BLZF1: variants seen among roughly 807,000 people sequenced by gnomAD.
The protein encoded by BLZF1 is golgin-45.
BLZF1 carries 39 observed loss-of-function variants against 43.8 expected under a neutral mutation model. The ratio of observed to expected loss-of-function variants is 0.89; its 90% CI spans 0.69 to 1.16. The LOEUF (loss-of-function observed/expected upper bound fraction) is 1.16, where lower values mean the gene tolerates loss of function less well. Among genes scored for constraint, BLZF1 ranks in the 50% most tolerant of loss-of-function variants. The probability of loss-of-function intolerance (pLI) is 0.00; values close to 1 mark genes in which losing one functional copy is unlikely to be tolerated. For synonymous variants in BLZF1, 136 were observed against 159.4 expected (o/e 0.85, Z 1.11); for missense variants, 449 against 469.8 (o/e 0.96, Z 0.41).
At chr1:169,373,714 G>C (rs1021989371) in intron 2 of BLZF1, among the ~76,000 whole-genome samples, 2 of 152,120 alleles carry the variant, frequency 1.3e-5, no homozygotes, top group African/African-American at 4.8e-5. Flanking sequence ...TTCCAACAAG[G>C]TATTTTGTTC....
chr1:169,376,498 T>C lies in BLZF1; in HGVS notation c.29-42T>C, dbSNP rs758374408. ...CATGTATTAGCATTTTCTTGGCATT[T>C]CTTCTTGGTAAGTAGTTTCTGTTTT... On this transcript the variant is annotated intron_variant, in intron 2 of 6. Transcript: ENST00000367808. 3.3e-6 allele frequency: 5 copies of C among 1,526,220 alleles called. No individual in the cohort carries two copies. The East Asian group carries it at 9.1e-5, about 28-fold the overall frequency. 94.5% of individuals were successfully genotyped at this position (1,526,220 alleles called of 1,614,324 possible).
chr1:169,371,414 A>C (rs1654115537), intron 2 of BLZF1, among the ~76,000 whole-genome samples: 1 of 152,258 alleles, frequency 6.6e-6, no homozygotes, highest in Non-Finnish European at 1.5e-5. Flanking sequence ...GCACTTTAAC[A>C]AACATTATTT....
At chr1:169,375,378 CATATATATATAAAACATAT>C (rs1396891891) in intron 2 of BLZF1, among the ~76,000 whole-genome samples, 11 of 100,138 alleles carry the variant, frequency 1.1e-4, no homozygotes, top group Non-Finnish European at 1.8e-4. Flanking sequence ...ACATATAAAA[CATATATATATAAAACATAT>C]ATATATATAT....
chr1:169,368,814 A>C lies in BLZF1; in HGVS notation c.-51+472A>C, dbSNP rs141436114. Among the ~76,000 whole-genome samples the C allele has an allele frequency of 1.2e-3, 178 of 152,230 alleles. 2 individuals are homozygous for C. The East Asian group carries it at 0.028, about 24-fold the overall frequency. On this transcript the variant is annotated intron_variant, in intron 1 of 6. Coordinates refer to ENST00000367808, the MANE Select transcript of BLZF1 (RefSeq NM_001320973.2). ...GAGAACGATCTTTTTTTGTAGTGAAACCAGTTGTCATCTAGTGTACAGTTT... is the reference window on the plus strand; with the variant it reads ...GAGAACGATCTTTTTTTGTAGTGAACCCAGTTGTCATCTAGTGTACAGTTT...
downstream of BLZF1, among the ~76,000 whole-genome samples, chr1:169,391,780 TG>T (rs776153940): frequency 2.1e-5 from 2 of 93,040 alleles, no homozygotes; most frequent in Non-Finnish European, 5.9e-5. Flanking sequence ...TTAATCTAAA[TG>T]GGTCCAGGTG....
intron 7 of BLZF1, among the ~76,000 whole-genome samples, chr1:169,395,609 T>G (rs1408127260): frequency 6.6e-6 from 1 of 152,222 alleles, no homozygotes; most frequent in Non-Finnish European, 1.5e-5. Flanking sequence ...AATACTATCA[T>G]GCAGAAATGC....
At chr1:169,379,814 A>G (rs1221134679) in intron 4 of BLZF1, among the ~76,000 whole-genome samples, 1 of 152,028 alleles carries the variant, frequency 6.6e-6, no homozygotes, top group East Asian at 1.9e-4. Context: ...TAATTTTTGA[A>G]AAAAGGGAAT....
At chr1:169,393,892 G>C (rs147496330) in intron 7 of BLZF1, among the ~76,000 whole-genome samples, 1 of 152,096 alleles carries the variant, frequency 6.6e-6, no homozygotes, top group African/African-American at 2.4e-5. Context: ...GTGAGCCACC[G>C]CACCCAGCCA....
downstream of BLZF1, among the ~76,000 whole-genome samples, chr1:169,389,649 A>G (rs934570234): frequency 3.3e-5 from 5 of 152,246 alleles, no homozygotes; most frequent in Non-Finnish European, 5.9e-5. Flanking sequence ...AGGTATTTGT[A>G]CAACAGTGTT....
At chr1:169,389,249 G>T (rs556285830), downstream of BLZF1, among the ~76,000 whole-genome samples, 4 of 151,930 alleles carry the variant, frequency 2.6e-5, no homozygotes, top group Non-Finnish European at 5.9e-5. Context: ...AGCCGAGATC[G>T]CGCCATTACA....
chr1:169,389,074 A>T (rs533403875), downstream of BLZF1, among the ~76,000 whole-genome samples: 112 of 152,164 alleles, frequency 7.4e-4, 1 homozygote, highest in African/African-American at 2.5e-3. Context: ...GTGAGCCGAG[A>T]TCGCGCCGCT....
chr1:169,384,725 G>C (rs183527786), intron 6 of BLZF1, among the ~76,000 whole-genome samples: 233 of 152,190 alleles, frequency 1.5e-3, no homozygotes, highest in African/African-American at 5.1e-3. Flanking sequence ...TTAAGAACCT[G>C]CCTTCTCTGA....
intron 7 of BLZF1, among the ~76,000 whole-genome samples, chr1:169,394,439 T>C (rs1654903587): frequency 6.6e-6 from 1 of 152,124 alleles, no homozygotes; most frequent in African/African-American, 2.4e-5. Context: ...GTAAAGAACA[T>C]AGTACCCAAT....
chr1:169,377,631 A>G (rs962065405), intron 3 of BLZF1, among the ~76,000 whole-genome samples: 2 of 152,070 alleles, frequency 1.3e-5, no homozygotes, highest in African/African-American at 4.8e-5. Flanking sequence ...TTTAGAAAAT[A>G]CAGAAAAACA....
intron 6 of BLZF1, among the ~76,000 whole-genome samples, chr1:169,383,280 C>T (rs1040662278): frequency 3.9e-5 from 6 of 152,158 alleles, no homozygotes; most frequent in Admixed American, 2.6e-4. Context: ...ACATTTCTCT[C>T]AGAGGAAAAG....
At chr1:169,375,393 C>CATATATACATAT (rs1654275815) in intron 2 of BLZF1, among the ~76,000 whole-genome samples, 4 of 85,836 alleles carry the variant, frequency 4.7e-5, no homozygotes, top group Non-Finnish European at 9.2e-5. Context: ...ATATATAAAA[C>CATATATACATAT]ATATATATAT....
chr1:169,394,029 A>G (rs1029596020), intron 7 of BLZF1, among the ~76,000 whole-genome samples: 6 of 152,172 alleles, frequency 3.9e-5, no homozygotes, highest in Non-Finnish European at 5.9e-5. Flanking sequence ...CTATTCCTCT[A>G]CACACTGGAT....
intron 6 of BLZF1, among the ~76,000 whole-genome samples, chr1:169,384,205 T>C (rs1436831640): frequency 1.3e-5 from 2 of 152,188 alleles, no homozygotes; most frequent in African/African-American, 2.4e-5. Flanking sequence ...CCTGCAGCAG[T>C]TTCCAATATA....
chr1:169,389,123 A>G (rs368788030), downstream of BLZF1, among the ~76,000 whole-genome samples: 2 of 149,262 alleles, frequency 1.3e-5, no homozygotes, highest in African/African-American at 2.4e-5. Flanking sequence ...CTCTGTCTCA[A>G]AAAAAAAAAG....
Sources: gnomAD v4.1 joint callset for allele counts (sites outside exome capture counted in the v4.1 genomes callset) on GRCh38, gnomAD v4.1.1 for gene constraint, MANE v1.5 for transcripts, NCBI Gene and HGNC (gene_info 2026-07-23, HGNC 2026-07-21) for gene names.